Variants in GALNT13 observed in about 807,000 individuals in gnomAD.
GALNT13 encodes the protein polypeptide N-acetylgalactosaminyltransferase 13.
GALNT13 carries 28 observed loss-of-function variants against 64.2 expected under a neutral mutation model. The ratio of observed to expected loss-of-function variants is 0.44; its 90% CI spans 0.32 to 0.60. The LOEUF is 0.60. Among genes scored for constraint, GALNT13 ranks in the 20% least tolerant of loss-of-function variants. The pLI, the probability that GALNT13 is intolerant of heterozygous loss-of-function variation, is 0.05. For synonymous variants in GALNT13, 214 were observed against 224.6 expected, an observed-to-expected ratio of 0.95 and a Z score of 0.42; for missense variants, 577 against 669.8, an observed-to-expected ratio of 0.86 and a Z score of 1.53.
the GALNT13 span, among the ~76,000 whole-genome samples, chr2:153,403,674 G>T: frequency 3.3e-5 from 5 of 152,190 alleles, no homozygotes; most frequent in South Asian, 4.1e-4. Flanking sequence ...GTATTCGGGT[G>T]GGAGTGACCT....
At chr2:153,274,182 G>A in the GALNT13 span, among the ~76,000 whole-genome samples, 2 of 152,066 alleles carry the variant, frequency 1.3e-5, no homozygotes, top group East Asian at 1.9e-4. Context: ...CAGCCTGGGC[G>A]ACAAGAGCGA....
intron 8 of GALNT13, among the ~76,000 whole-genome samples, chr2:154,263,060 G>A (rs1234638613): frequency 6.6e-6 from 1 of 152,042 alleles, no homozygotes; most frequent in Non-Finnish European, 1.5e-5. Flanking sequence ...ATTCTAAAAT[G>A]AAGAAAACTG....
At chr2:154,338,847 C>T (rs1286037585) in intron 9 of GALNT13, among the ~76,000 whole-genome samples, 1 of 151,930 alleles carries the variant, frequency 6.6e-6, no homozygotes, top group Admixed American at 6.6e-5. Flanking sequence ...AAGGCAGGCT[C>T]CCTCATGAGT....
the GALNT13 span, among the ~76,000 whole-genome samples, chr2:153,683,025 G>GA: frequency 2.1e-4 from 32 of 151,328 alleles, no homozygotes; most frequent in Non-Finnish European, 1.6e-4. Context: ...GAATGATTAG[G>GA]AAAAAAAAGG....
chr2:153,920,261 G>T (rs1296656626), intron 2 of GALNT13, among the ~76,000 whole-genome samples: 1 of 151,528 alleles, frequency 6.6e-6, no homozygotes, highest in African/African-American at 2.4e-5. Context: ...ATCAAAACAG[G>T]ATGGTACTGG....
chr2:153,719,700 G>T, the GALNT13 span, among the ~76,000 whole-genome samples: 5 of 151,980 alleles, frequency 3.3e-5, no homozygotes, highest in Non-Finnish European at 5.9e-5. Context: ...AAGGGGTGAC[G>T]GACGCACCTG....
chr2:153,231,823 CTCT>C, the GALNT13 span, among the ~76,000 whole-genome samples: 3 of 151,716 alleles, frequency 2.0e-5, no homozygotes, highest in African/African-American at 7.3e-5. Flanking sequence ...GAAAATTTAC[CTCT>C]TCTTTAAGCA....
the GALNT13 span, among the ~76,000 whole-genome samples, chr2:153,633,934 G>A: frequency 3.3e-5 from 5 of 152,056 alleles, no homozygotes; most frequent in South Asian, 2.1e-4. Context: ...AATAATTTCC[G>A]ATGTCTGACT....
chr2:154,148,642 A>G (rs1443387352), intron 4 of GALNT13, among the ~76,000 whole-genome samples: 2 of 151,846 alleles, frequency 1.3e-5, no homozygotes, highest in Admixed American at 1.3e-4. Context: ...ATGGTATCTC[A>G]TTGTGGTTTT....
At chr2:153,249,564 A>C in the GALNT13 span, among the ~76,000 whole-genome samples, 1 of 152,146 alleles carries the variant, frequency 6.6e-6, no homozygotes, top group Non-Finnish European at 1.5e-5. Context: ...AGCCCATATA[A>C]CCAAGACAAT....
chr2:153,228,837 C>A, the GALNT13 span, among the ~76,000 whole-genome samples: 2 of 135,388 alleles, frequency 1.5e-5, no homozygotes, highest in Non-Finnish European at 1.5e-5. Context: ...AGCACCACTG[C>A]ACTCCACCCT....
the GALNT13 span, among the ~76,000 whole-genome samples, chr2:153,838,787 A>G: frequency 0.29 from 44,430 of 151,474 alleles, 7,048 homozygotes; most frequent in Middle Eastern, 0.42. Context: ...CTTCCACACA[A>G]ATTTTAGGAT....
chr2:154,102,976 A>G lies in GALNT13; in HGVS notation c.143-37361A>G, dbSNP rs142555771. Reference sequence around the variant, plus strand: ...TGTTTGCTTTGGTTTTCCATTTCTGATTATTGCCTTGTTGATGTTTCTTTT... The same window carrying G: ...TGTTTGCTTTGGTTTTCCATTTCTGGTTATTGCCTTGTTGATGTTTCTTTT... On this transcript the variant is annotated intron_variant, in intron 3 of 12. Coordinates refer to ENST00000392825, the MANE Select transcript of GALNT13 (RefSeq NM_052917.4). 8.1e-3 allele frequency among the ~76,000 whole-genome samples: 1,237 copies of G among 151,822 alleles called. 14 individuals carry two copies. Among genetic ancestry groups the G allele is most frequent in the African/African-American group, 0.028 (1,148 of 41,412 alleles).
chr2:153,684,098 C>T, the GALNT13 span, among the ~76,000 whole-genome samples: 1 of 150,752 alleles, frequency 6.6e-6, no homozygotes, highest in Non-Finnish European at 1.5e-5. Context: ...ATATCCCAGG[C>T]CATGGGAATA....
At chr2:153,491,818 A>G in the GALNT13 span, among the ~76,000 whole-genome samples, 3 of 151,782 alleles carry the variant, frequency 2.0e-5, no homozygotes, top group East Asian at 5.8e-4. Context: ...ACAGGGTTTC[A>G]CCATTGGCCA....
the GALNT13 span, among the ~76,000 whole-genome samples, chr2:153,235,217 C>T: frequency 6.6e-6 from 1 of 152,176 alleles, no homozygotes; most frequent in Admixed American, 6.6e-5. Flanking sequence ...CAATTAATAA[C>T]TCCACAATGT....
chr2:154,319,335 T>A (rs1694497077), intron 9 of GALNT13, among the ~76,000 whole-genome samples: 1 of 152,170 alleles, frequency 6.6e-6, no homozygotes, highest in Non-Finnish European at 1.5e-5. Flanking sequence ...CTATAGTGAA[T>A]GTTACTGGAA....
At chr2:154,378,689 C>T (rs1013939494) in intron 9 of GALNT13, among the ~76,000 whole-genome samples, 3 of 151,984 alleles carry the variant, frequency 2.0e-5, no homozygotes, top group Non-Finnish European at 4.4e-5. Flanking sequence ...ATCGACTCTT[C>T]GGCTCTGCTT....
chr2:154,418,764 A>G (rs533943041), intron 11 of GALNT13, among the ~76,000 whole-genome samples: 8 of 152,348 alleles, frequency 5.3e-5, no homozygotes, highest in Admixed American at 1.3e-4. Context: ...AGTATAGCTC[A>G]GAGTTCATAA....
Sources: allele counts gnomAD v4.1 joint callset (sites outside exome capture counted in the v4.1 genomes callset), GRCh38; gene constraint gnomAD v4.1.1; transcripts MANE v1.5; gene names NCBI Gene and HGNC (gene_info 2026-07-23, HGNC 2026-07-21).